The following NELL1 variants were observed in gnomAD, a reference collection of about 807,000 sequenced individuals.
The protein encoded by NELL1 is neural EGFL like 1.
Under a neutral mutation model 107.4 loss-of-function variants are expected in NELL1, and 76 were observed. The observed-to-expected ratio is 0.71, with a 90% CI of 0.59 to 0.86. The LOEUF is 0.86. NELL1 is among the 40% of genes least tolerant of loss of function. NELL1 has a pLI of 0.00. For missense variants in NELL1, 1,024 were observed against 1,005.5 expected (o/e 1.02, Z -0.25); for synonymous variants, 353 against 341.2 (o/e 1.03, Z -0.38).
intron 3 of NELL1, among the ~76,000 whole-genome samples, chr11:20,786,243 G>A (rs148888114): frequency 1.3e-3 from 192 of 151,510 alleles, no homozygotes; most frequent in African/African-American, 4.6e-3. Flanking sequence ...CCAGCTACTC[G>A]GGAGGCTGAG....
At chr11:21,562,179 C>T (rs1221878917) in intron 17 of NELL1, among the ~76,000 whole-genome samples, 1 of 152,016 alleles carries the variant, frequency 6.6e-6, no homozygotes, top group African/African-American at 2.4e-5. Flanking sequence ...AGGGAACTTA[C>T]TAATCATTGA....
chr11:20,904,516 A>G (rs547019242), intron 5 of NELL1, among the ~76,000 whole-genome samples: 2 of 152,322 alleles, frequency 1.3e-5, no homozygotes, highest in South Asian at 4.1e-4. Context: ...ATGTAAAGCA[A>G]AGAGAAAATG....
rs375312858 is a variant in NELL1, at chr11:21,397,026, T to A, written c.1645+26078T>A. On this transcript the variant is annotated intron_variant, in intron 15 of 19. Transcript: ENST00000357134. ...AGAAAAATATTAAATAGTAGCAGAG[T>A]TGAGGACATTATCATCTTTCTATCA... is the stretch of plus-strand genomic sequence containing the variant. Among the ~76,000 whole-genome samples the A allele has an allele frequency of 1.7e-3, 265 of 151,734 alleles. 8 individuals are homozygous for A. The South Asian group carries it at 0.053, about 30-fold the overall frequency.
At chr11:21,049,079 A>G (rs1477426390) in intron 12 of NELL1, among the ~76,000 whole-genome samples, 1 of 152,194 alleles carries the variant, frequency 6.6e-6, no homozygotes. Context: ...TGATGCTGGT[A>G]TGGCTCAGCT....
At chr11:20,814,593 T>C (rs1857582619) in intron 3 of NELL1, among the ~76,000 whole-genome samples, 1 of 152,252 alleles carries the variant, frequency 6.6e-6, no homozygotes, top group Non-Finnish European at 1.5e-5. Flanking sequence ...GATAACGTCC[T>C]TCAGCTACGT....
chr11:21,082,942 T>C (rs970217736), intron 12 of NELL1, among the ~76,000 whole-genome samples: 1 of 152,214 alleles, frequency 6.6e-6, no homozygotes, highest in Non-Finnish European at 1.5e-5. Context: ...GCCTGACTTT[T>C]AGTAGAGAAG....
Position 21,226,130 on chromosome 11 carries a change from G to A in NELL1, c.1427-3202G>A, listed in dbSNP as rs116263476. 9.2e-3 allele frequency among the ~76,000 whole-genome samples: 1,404 copies of A among 152,276 alleles called. 21 individuals are homozygous for A. The highest frequency in any genetic ancestry group is 0.032 in the African/African-American group (1,337 of 41,546). On this transcript the variant is annotated intron_variant, in intron 13 of 19. Coordinates refer to ENST00000357134, the MANE Select transcript of NELL1 (RefSeq NM_006157.5). ...ATAGAAGAAAATGGTATTTTCTTTG[G>A]CTGTCTCTATTAAACACAGTTTTGA...
intron 15 of NELL1, among the ~76,000 whole-genome samples, chr11:21,421,083 C>T (rs1852656028): frequency 6.6e-6 from 1 of 152,040 alleles, no homozygotes; most frequent in Admixed American, 6.6e-5. Context: ...GAAATGAAAA[C>T]ACATTGTATT....
intron 3 of NELL1, among the ~76,000 whole-genome samples, chr11:20,821,770 G>T (rs1857759149): frequency 2.0e-5 from 3 of 152,164 alleles, no homozygotes; most frequent in African/African-American, 7.2e-5. Flanking sequence ...ATACCAACAG[G>T]CTCAGCCTGG....
At chr11:21,086,827 T>A (rs558894716) in intron 12 of NELL1, among the ~76,000 whole-genome samples, 1 of 139,386 alleles carries the variant, frequency 7.2e-6, no homozygotes, top group South Asian at 2.5e-4. Flanking sequence ...TCTTAATGGA[T>A]CTTTTTTTTT....
chr11:21,026,289 C>T (rs1852812298), intron 12 of NELL1, among the ~76,000 whole-genome samples: 1 of 152,172 alleles, frequency 6.6e-6, no homozygotes, highest in Non-Finnish European at 1.5e-5. Context: ...CTGTCTCCTC[C>T]TGATTCTCCC....
At chr11:21,238,820 G>T (rs1858275478) in intron 14 of NELL1, among the ~76,000 whole-genome samples, 1 of 151,964 alleles carries the variant, frequency 6.6e-6, no homozygotes, top group Non-Finnish European at 1.5e-5. Context: ...AGACACATTG[G>T]GTTCAAATTT....
chr11:21,321,799 C>T (rs1850017226), intron 14 of NELL1, among the ~76,000 whole-genome samples: 1 of 152,186 alleles, frequency 6.6e-6, no homozygotes, highest in African/African-American at 2.4e-5. Flanking sequence ...CCTGCACAGT[C>T]CCACACATGG....
intron 11 of NELL1, among the ~76,000 whole-genome samples, chr11:20,950,277 G>A (rs898301237): frequency 6.6e-6 from 1 of 152,124 alleles, no homozygotes; most frequent in African/African-American, 2.4e-5. Flanking sequence ...AGGCAATCAG[G>A]AAATGAAAGG....
At position 21,033,492 on chromosome 11, in the gene NELL1, A is replaced by AT. The variant is rs570065921; in HGVS notation, c.1300+72936dup. 1.4e-4 allele frequency among the ~76,000 whole-genome samples: 22 copies of AT among 151,804 alleles called. 1 individual carries two copies. In the South Asian group the frequency reaches 4.2e-3, roughly 29 times the overall value. On this transcript the variant is annotated intron_variant, in intron 12 of 19. Transcript: ENST00000357134. ...TATAAATGAAAACATGTGGTATTTGATTTTCTGTTTCTTTATTAGTTTTCT... is the reference window on the plus strand; with the variant it reads ...TATAAATGAAAACATGTGGTATTTGATTTTTCTGTTTCTTTATTAGTTTTCT...
chr11:20,869,738 G>C (rs56088213), intron 4 of NELL1, among the ~76,000 whole-genome samples: 2,628 of 152,296 alleles, frequency 0.017, 34 homozygotes, highest in Non-Finnish European at 0.026. Context: ...GTAAGTACCA[G>C]GTATGGTGAG....
intron 16 of NELL1, among the ~76,000 whole-genome samples, chr11:21,546,602 C>T (rs1856449474): frequency 6.6e-6 from 1 of 152,000 alleles, no homozygotes; most frequent in Non-Finnish European, 1.5e-5. Context: ...CCTGCACACA[C>T]TCTATTGCCT....
chr11:21,525,752 G>T (rs1855837203), intron 15 of NELL1, among the ~76,000 whole-genome samples: 1 of 152,200 alleles, frequency 6.6e-6, no homozygotes, highest in African/African-American at 2.4e-5. Flanking sequence ...AGAGAAGAGA[G>T]CTTGTGCAGG....
chr11:20,960,954 A>T (rs555666395), intron 12 of NELL1, among the ~76,000 whole-genome samples: 1 of 152,234 alleles, frequency 6.6e-6, no homozygotes, highest in Non-Finnish European at 1.5e-5. Context: ...ATACTTTGAC[A>T]TTAACTCATA....
Sources: allele counts gnomAD v4.1 joint callset (sites outside exome capture counted in the v4.1 genomes callset), GRCh38; gene constraint gnomAD v4.1.1; transcripts MANE v1.5; gene names NCBI Gene and HGNC (gene_info 2026-07-23, HGNC 2026-07-21).